RBM7: variants seen among roughly 807,000 people sequenced by gnomAD.
RBM7 encodes the protein RNA binding motif protein 7.
Under a neutral mutation model 31.0 loss-of-function variants are expected in RBM7, and 13 were observed. The observed-to-expected ratio is 0.42, with a 90% CI of 0.27 to 0.67. The LOEUF is 0.67. Among genes scored for constraint, RBM7 ranks in the 30% least tolerant of loss-of-function variants. The pLI is 0.24. For synonymous variants in RBM7, 106 were observed against 111.2 expected, an observed-to-expected ratio of 0.95 and a Z score of 0.30; for missense variants, 245 against 326.2, an observed-to-expected ratio of 0.75 and a Z score of 1.92.
Position 114,409,612 on chromosome 11 carries a change from A to G in RBM7, c.*1805A>G, listed in dbSNP as rs1481831867. On this transcript the variant is annotated 3_prime_UTR_variant, in exon 5 of 5. Coordinates refer to ENST00000375490, the MANE Select transcript of RBM7 (RefSeq NM_001286045.2). ...TCAAACTCCTGACCTCAAGTGATCC[A>G]CCTACCTTGGCCTACCGAGGTGCTG... 6.6e-6 allele frequency: 1 copy of G among 152,112 alleles called. No individual in the cohort carries two copies. The highest frequency in any genetic ancestry group is 1.5e-5 in the Non-Finnish European group (1 of 68,104). 9.4% of individuals were successfully genotyped at this position (152,112 alleles called of 1,614,324 possible).
At chr11:114,405,036 G>T (rs1946248483) in intron 3 of RBM7, among the ~76,000 whole-genome samples, 1 of 151,162 alleles carries the variant, frequency 6.6e-6, no homozygotes, top group Non-Finnish European at 1.5e-5. Flanking sequence ...TCTCTTTTTT[G>T]TCTCGGGAAA....
intron 4 of RBM7, 118 bp from the exon 5 acceptor site, chr11:114,407,327 T>C: frequency 2.0e-6 from 2 of 985,902 alleles, no homozygotes; most frequent in Non-Finnish European, 3.0e-6. Flanking sequence ...ACTGCTTTAG[T>C]TGTGGATCCA....
rs3781986 is a variant in RBM7 at position 114,407,641 on chromosome 11, A to G, written c.638A>G (p.His213Arg). Residue 213 changes from histidine (H) to arginine (R), a missense_variant, in exon 5 of 5, where the codon CAT becomes CGT. By Grantham distance (29) the His-to-Arg change is conservative. Transcript: ENST00000375490. Reference protein sequence around the residue: ...MNSYPYLADRHYSREQRYTDH... With the variant: ...MNSYPYLADRRYSREQRYTDH... ...TCTTATCCCTACCTAGCAGATAGAC[A>G]TTATAGCCGGGAACAGCGTTACACT... 6.2e-5 allele frequency: 100 copies of G among 1,613,968 alleles called. No individual in the cohort carries two copies. In the East Asian group the frequency reaches 2.1e-3, roughly 33 times the overall value.
At chr11:114,406,811 C>G (rs1946271664) in intron 4 of RBM7, 1 of 152,276 alleles carries the variant, frequency 6.6e-6, no homozygotes, top group African/African-American at 2.4e-5. Flanking sequence ...GTGGGTGGAT[C>G]ACGAGGTCAG....
intron 3 of RBM7, among the ~76,000 whole-genome samples, chr11:114,403,210 A>C (rs1723151004): frequency 6.6e-6 from 1 of 152,232 alleles, no homozygotes; most frequent in South Asian, 2.1e-4. Flanking sequence ...TATACACTTG[A>C]AACAAAATTT....
chr11:114,403,342 C>CTATT (rs1368043166), intron 3 of RBM7, among the ~76,000 whole-genome samples: 5 of 152,188 alleles, frequency 3.3e-5, no homozygotes, highest in Non-Finnish European at 7.3e-5. Flanking sequence ...AGTCAACAGT[C>CTATT]TATTGGACTA....
chr11:114,401,724 T>A lies in RBM7; in HGVS notation c.123T>A (p.Ile41=). 6.5e-7 allele frequency: 1 copy of A among 1,548,366 alleles called. No homozygotes were observed. The highest frequency in any genetic ancestry group is 8.7e-7 in the Non-Finnish European group (1 of 1,155,738). The change falls in exon 2 of 5, where the codon ATT becomes ATA. Residue 41 remains isoleucine, a synonymous_variant. Transcript: ENST00000375490. Reference sequence around the variant, plus strand: ...CTGGGCCAGTAATAAAGGTGAAAATTCCAAAAGATAAGGATGGTAAACCAA... The same window carrying A: ...CTGGGCCAGTAATAAAGGTGAAAATACCAAAAGATAAGGATGGTAAACCAA... ...HQAGPVIKVK[I]PKDKDGKPKQ...
At position 114,401,683 on chromosome 11, in the gene RBM7, C is replaced by A. The variant is rs780531340; in HGVS notation, c.97-15C>A. 6.7e-7 allele frequency: 1 copy of A among 1,483,246 alleles called. No individual in the cohort carries two copies. The highest frequency in any genetic ancestry group is 1.4e-5 in the South Asian group (1 of 71,284). The allele number at this position is 1,483,246 out of a possible 1,614,324, so 91.9% of individuals were successfully genotyped here. ...AGTTGCTTTATTTAAATTCTAAACA[C>A]CTTTTTGTTTGTAGGCTGGGCCAGT... On this transcript the variant is annotated splice_polypyrimidine_tract_variant and intron_variant, in intron 1 of 4. Transcript: ENST00000375490.
At position 114,407,786 on chromosome 11, in the gene RBM7, A is replaced by T; in HGVS notation, c.783A>T (p.Lys261Asn). 1.2e-6 allele frequency: 2 copies of T among 1,609,240 alleles called. No homozygotes were observed. The highest frequency in any genetic ancestry group is 1.7e-6 in the Non-Finnish European group (2 of 1,178,402). ...GAAGAGACAGTAGTAGAGATGGAAA[A>T]TGGCGCTCATCTCGACACTAACACA... ...DNRRDSSRDG[K>N]WRSSRH The change falls in exon 5 of 5, where the codon AAA becomes AAT. Residue 261 changes from lysine to asparagine, a missense_variant. By Grantham distance (94) the Lys-to-Asn change is moderately conservative. Transcript: ENST00000375490.
intron 3 of RBM7, among the ~76,000 whole-genome samples, chr11:114,403,893 G>A (rs1272787408): frequency 6.6e-6 from 1 of 152,244 alleles, no homozygotes; most frequent in Middle Eastern, 3.4e-3. Context: ...GTGAATACCT[G>A]TTCAATTACT....
chr11:114,405,980 G>C lies in RBM7; in HGVS notation c.441+181G>C, dbSNP rs1591199623. The C allele has an allele frequency of 5.8e-6, 3 of 518,590 alleles. No individual in the cohort carries two copies. The East Asian group carries it at 1.0e-4, about 18-fold the overall frequency. The allele number at this position is 518,590 out of a possible 1,614,324, so 32.1% of individuals were successfully genotyped here. ...TTTTTCTCAAATTTTTGTTAGACTA[G>C]CATGATTTGTAGATTGAGCACTCAT... On this transcript the variant is annotated intron_variant, in intron 4 of 4. Coordinates refer to ENST00000375490, the MANE Select transcript of RBM7 (RefSeq NM_001286045.2).
chr11:114,404,453 T>C (rs1252533163), intron 3 of RBM7, among the ~76,000 whole-genome samples: 1 of 152,188 alleles, frequency 6.6e-6, no homozygotes, highest in Admixed American at 6.5e-5. Context: ...CTTGGTAAAG[T>C]TGGCATTTAA....
At chr11:114,405,508 A>T (rs1057219649) in intron 3 of RBM7, among the ~76,000 whole-genome samples, 198 bp from the exon 4 acceptor site, 1 of 152,150 alleles carries the variant, frequency 6.6e-6, no homozygotes, top group South Asian at 2.1e-4. Flanking sequence ...TTTCACTTCC[A>T]CTTGATCTTT....
intron 4 of RBM7, chr11:114,406,093 C>T (rs1946262857): frequency 3.6e-6 from 1 of 274,894 alleles, no homozygotes; most frequent in Non-Finnish European, 6.8e-6. Flanking sequence ...TTCTTTTCAA[C>T]CATCATTTAC....
chr11:114,410,006 G>C lies in RBM7; in HGVS notation c.*2199G>C, dbSNP rs1404240171. The C allele has an allele frequency of 6.6e-6, 1 of 152,094 alleles. No homozygotes were observed. Among genetic ancestry groups the C allele is most frequent in the Non-Finnish European group, 1.5e-5 (1 of 68,034 alleles). The allele number at this position is 152,094 out of a possible 1,614,324, so 9.4% of individuals were successfully genotyped here. On this transcript the variant is annotated 3_prime_UTR_variant, in exon 5 of 5. Coordinates refer to ENST00000375490, the MANE Select transcript of RBM7 (RefSeq NM_001286045.2). ...AATGCTTGCCAGTTGAGCATCCCAGGTCCGGAAATCCACAGTGCTCCAATG... is the reference window on the plus strand; with the variant it reads ...AATGCTTGCCAGTTGAGCATCCCAGCTCCGGAAATCCACAGTGCTCCAATG...
At position 114,401,869 on chromosome 11, in the gene RBM7, C is replaced by T; in HGVS notation, c.259+9C>T. On this transcript the variant is annotated intron_variant, in intron 2 of 4. Transcript: ENST00000375490. ...AATTCAATTTAGATCAGGTAACTGC[C>T]CAATGAGGTTCGGGGGGCATTGTTT... 6.3e-6 allele frequency: 10 copies of T among 1,581,092 alleles called. No homozygotes were observed. The highest frequency in any genetic ancestry group is 8.6e-6 in the Non-Finnish European group (10 of 1,168,224).
At position 114,408,739 on chromosome 11, in the gene RBM7, C is replaced by T. The variant is rs762445291; in HGVS notation, c.*932C>T. 6.6e-6 allele frequency: 1 copy of T among 152,032 alleles called. No homozygotes were observed. The highest frequency in any genetic ancestry group is 1.5e-5 in the Non-Finnish European group (1 of 67,960). 9.4% of individuals were successfully genotyped at this position (152,032 alleles called of 1,614,324 possible). Reference sequence around the variant, plus strand: ...AACCTTTGAAAGAGTTTAATCTTAACGTTTTCTAATTTTAAAATTTTAAAA... The same window carrying T: ...AACCTTTGAAAGAGTTTAATCTTAATGTTTTCTAATTTTAAAATTTTAAAA... On this transcript the variant is annotated 3_prime_UTR_variant, in exon 5 of 5. Transcript: ENST00000375490.
chr11:114,400,926 C>T (rs938032341), intron 1 of RBM7, among the ~76,000 whole-genome samples, 159 bp downstream of exon 1: 1 of 152,014 alleles, frequency 6.6e-6, no homozygotes, highest in African/African-American at 2.4e-5. Context: ...CGCTGGGTGT[C>T]GCTTTCCTGG....
At chr11:114,400,939 G>C (rs1946191314) in intron 1 of RBM7, among the ~76,000 whole-genome samples, 172 bp downstream of exon 1, 1 of 152,148 alleles carries the variant, frequency 6.6e-6, no homozygotes. Context: ...TTTCCTGGAA[G>C]ATCTTGGTTC....
Sources: allele counts gnomAD v4.1 joint callset (sites outside exome capture counted in the v4.1 genomes callset), GRCh38; gene constraint gnomAD v4.1.1; transcripts MANE v1.5; gene names NCBI Gene and HGNC (gene_info 2026-07-23, HGNC 2026-07-21).